Variants in ACSS3 observed in about 807,000 individuals in gnomAD.
ACSS3 encodes the protein acyl-CoA synthetase short-chain family member 3, mitochondrial.
A neutral mutation model predicts 84.2 loss-of-function variants in ACSS3; 64 were observed. The ratio of observed to expected loss-of-function variants is 0.76; its 90% confidence interval spans 0.62 to 0.94. The LOEUF is 0.94. Ranked by LOEUF, ACSS3 falls within the 40% of genes least tolerant of loss-of-function variation. The pLI is 0.00. For synonymous variants in ACSS3, 317 were observed against 310.1 expected (o/e 1.02, Z -0.23); for missense variants, 815 against 867.6 (o/e 0.94, Z 0.76).
At chr12:81,241,185 A>G (rs1167029601) in intron 13 of ACSS3, among the ~76,000 whole-genome samples, 1 of 152,054 alleles carries the variant, frequency 6.6e-6, no homozygotes, top group Non-Finnish European at 1.5e-5. Context: ...TTATGGCTGC[A>G]TAGTATTCCA....
intron 2 of ACSS3, among the ~76,000 whole-genome samples, chr12:81,111,050 A>C (rs1372219299): frequency 6.6e-6 from 1 of 152,152 alleles, no homozygotes; most frequent in Non-Finnish European, 1.5e-5. Context: ...CAAATAAGAG[A>C]GAAGAGTTAG....
intron 12 of ACSS3, among the ~76,000 whole-genome samples, chr12:81,232,167 A>C (rs1028885894): frequency 1.3e-5 from 2 of 151,822 alleles, no homozygotes; most frequent in African/African-American, 4.8e-5. Flanking sequence ...ATCTATCTGC[A>C]TGATGGGCCA....
At chr12:81,180,806 G>A (rs2030870359) in intron 8 of ACSS3, among the ~76,000 whole-genome samples, 1 of 152,168 alleles carries the variant, frequency 6.6e-6, no homozygotes, top group Non-Finnish European at 1.5e-5. Context: ...ATGAGCCACT[G>A]CGCCAGGTCA....
rs560432856 is a variant in ACSS3 at position 81,242,969 on chromosome 12, C to T, written c.1719+9498C>T. 1.1e-4 allele frequency among the ~76,000 whole-genome samples: 17 copies of T among 152,246 alleles called. No homozygotes were observed. The East Asian group carries it at 2.7e-3, about 24-fold the overall frequency. ...GGCACAAGACAGGGATGCCCTGTCT[C>T]ACCACTCCTATTCAACATAGTGTTG... On this transcript the variant is annotated intron_variant, in intron 13 of 15. Coordinates refer to ENST00000548058, the MANE Select transcript of ACSS3 (RefSeq NM_024560.4).
chr12:81,251,042 T>G (rs1259392717), intron 13 of ACSS3, among the ~76,000 whole-genome samples: 1 of 152,204 alleles, frequency 6.6e-6, no homozygotes, highest in East Asian at 1.9e-4. Context: ...TCACCCACTC[T>G]CAACAATTCT....
chr12:81,253,966 C>A (rs1463125549), intron 15 of ACSS3, among the ~76,000 whole-genome samples: 5 of 151,874 alleles, frequency 3.3e-5, no homozygotes, highest in African/African-American at 1.2e-4. Context: ...GCTTTATTAC[C>A]CAGGCTGTAG....
intron 2 of ACSS3, among the ~76,000 whole-genome samples, chr12:81,115,636 T>C (rs1469476160): frequency 6.6e-6 from 1 of 152,100 alleles, no homozygotes. Context: ...ACCATTAATA[T>C]CTTTTGTCCA....
chr12:81,194,000 A>G (rs12816478), intron 8 of ACSS3, among the ~76,000 whole-genome samples: 5,723 of 151,952 alleles, frequency 0.038, 163 homozygotes, highest in African/African-American at 0.068. Context: ...TACGGTAGGC[A>G]TTTATTCCTT....
chr12:81,107,889 T>A (rs897831122), intron 1 of ACSS3, among the ~76,000 whole-genome samples: 3 of 151,808 alleles, frequency 2.0e-5, no homozygotes, highest in Non-Finnish European at 4.4e-5. Flanking sequence ...AGCAGTTATA[T>A]CTGGGAGGCT....
intron 13 of ACSS3, among the ~76,000 whole-genome samples, chr12:81,250,156 A>C (rs2034107027): frequency 6.6e-6 from 1 of 152,032 alleles, no homozygotes; most frequent in Non-Finnish European, 1.5e-5. Context: ...TTCCCCCCAT[A>C]GGACATTTGG....
At chr12:81,148,678 G>A (rs974299139) in intron 5 of ACSS3, among the ~76,000 whole-genome samples, 5 of 151,994 alleles carry the variant, frequency 3.3e-5, no homozygotes, top group Non-Finnish European at 5.9e-5. Context: ...CCTACCAAAA[G>A]ATCGGAACAG....
intron 13 of ACSS3, among the ~76,000 whole-genome samples, chr12:81,247,553 C>G (rs7303997): frequency 0.2 from 29,782 of 151,920 alleles, 3,011 homozygotes; most frequent in Middle Eastern, 0.22. Context: ...AACAGGAAAC[C>G]ATTCAGACCT....
chr12:81,143,351 T>TC, intron 5 of ACSS3, 104 bp downstream of exon 5: 2 of 1,243,276 alleles, frequency 1.6e-6, no homozygotes, highest in Non-Finnish European at 2.2e-6. Flanking sequence ...CTTTGAAGTT[T>TC]AGAGAGTTAC....
At chr12:81,151,798 T>C (rs1886621350) in intron 5 of ACSS3, 46 bp from the exon 6 acceptor site, 4 of 1,555,878 alleles carry the variant, frequency 2.6e-6, no homozygotes, top group Non-Finnish European at 3.5e-6. Flanking sequence ...AGAGAGTGTT[T>C]TTACACATTG....
intron 13 of ACSS3, among the ~76,000 whole-genome samples, chr12:81,237,916 C>A (rs2033677353): frequency 6.6e-6 from 1 of 151,606 alleles, no homozygotes; most frequent in South Asian, 2.1e-4. Flanking sequence ...TGAGGGTGGA[C>A]ATCCTTGCCT....
intron 8 of ACSS3, among the ~76,000 whole-genome samples, chr12:81,186,158 A>G (rs1056621533): frequency 1.3e-5 from 2 of 151,782 alleles, no homozygotes; most frequent in African/African-American, 2.4e-5. Context: ...GTTTCCACAT[A>G]TAAAAGAAGG....
intron 1 of ACSS3, among the ~76,000 whole-genome samples, chr12:81,092,766 C>G (rs1277807217): frequency 6.6e-6 from 1 of 151,984 alleles, no homozygotes; most frequent in African/African-American, 2.4e-5. Flanking sequence ...TTCAAATTAT[C>G]AAAATGTTAA....
intron 7 of ACSS3, among the ~76,000 whole-genome samples, chr12:81,168,125 G>T (rs1198706942): frequency 2.6e-5 from 4 of 152,158 alleles, no homozygotes; most frequent in Non-Finnish European, 5.9e-5. Context: ...CCAATAAATT[G>T]TTGGTTCTTT....
chr12:81,220,625 A>G, intron 11 of ACSS3, among the ~76,000 whole-genome samples: 1 of 151,916 alleles, frequency 6.6e-6, no homozygotes, highest in East Asian at 1.9e-4. Flanking sequence ...CAGAGTTTCT[A>G]GTTTTCATCA....
Sources: allele counts gnomAD v4.1 joint callset (sites outside exome capture counted in the v4.1 genomes callset), GRCh38; gene constraint gnomAD v4.1.1; transcripts MANE v1.5; gene names NCBI Gene and HGNC (gene_info 2026-07-23, HGNC 2026-07-21).